CLSTN2: variants seen among roughly 807,000 people sequenced by gnomAD.
The protein encoded by CLSTN2 is calsyntenin-2.
A neutral mutation model predicts 101.2 loss-of-function variants in CLSTN2; 48 were observed. That is an observed-to-expected ratio of 0.47 (90% confidence interval 0.38 to 0.60). The LOEUF (loss-of-function observed/expected upper bound fraction) is 0.60, where lower values mean the gene tolerates loss of function less well. Among genes scored for constraint, CLSTN2 ranks in the 20% least tolerant of loss-of-function variants. The pLI is 0.00. For synonymous variants in CLSTN2, 481 were observed against 463.6 expected, an observed-to-expected ratio of 1.04 and a Z score of -0.48; for missense variants, 1,160 against 1,238.2, an observed-to-expected ratio of 0.94 and a Z score of 0.95.
intron 6 of CLSTN2, chr3:140,449,857 C>T (rs1182455340): frequency 1.3e-5 from 2 of 152,248 alleles, no homozygotes; most frequent in Admixed American, 1.3e-4. Flanking sequence ...GTAACAAGGT[C>T]ACATGCCCAT....
At chr3:140,219,759 C>A (rs9815327) in intron 2 of CLSTN2, among the ~76,000 whole-genome samples, 2 of 152,072 alleles carry the variant, frequency 1.3e-5, no homozygotes, top group Non-Finnish European at 2.9e-5. Flanking sequence ...ATTCCTTAGA[C>A]GCTTTGCTTC....
At chr3:140,444,763 C>T (rs74326289) in intron 5 of CLSTN2, among the ~76,000 whole-genome samples, 6,723 of 152,242 alleles carry the variant, frequency 0.044, 503 homozygotes, top group African/African-American at 0.15. Flanking sequence ...CTGAGGCTCA[C>T]GGAGCATACA....
chr3:140,470,231 C>G (rs907498377), intron 8 of CLSTN2, among the ~76,000 whole-genome samples: 1 of 152,214 alleles, frequency 6.6e-6, no homozygotes, highest in Admixed American at 6.5e-5. Flanking sequence ...GGATTAGTAG[C>G]TAAAATAAGA....
chr3:139,970,879 T>G (rs1935687595), intron 1 of CLSTN2, among the ~76,000 whole-genome samples: 1 of 152,184 alleles, frequency 6.6e-6, no homozygotes. Flanking sequence ...GCTAAGGGAA[T>G]GGTGACAAGA....
At chr3:139,967,151 T>C (rs1935614903) in intron 1 of CLSTN2, among the ~76,000 whole-genome samples, 1 of 152,000 alleles carries the variant, frequency 6.6e-6, no homozygotes, top group Admixed American at 6.6e-5. Flanking sequence ...ATGGCAGAAG[T>C]CATGGACTGA....
At chr3:140,303,708 C>G (rs766794973) in intron 2 of CLSTN2, among the ~76,000 whole-genome samples, 8 of 152,030 alleles carry the variant, frequency 5.3e-5, no homozygotes, top group Non-Finnish European at 8.8e-5. Context: ...GGTGTCCCAA[C>G]TTGACCCTGT....
intron 2 of CLSTN2, among the ~76,000 whole-genome samples, chr3:140,344,140 C>T (rs1032573740): frequency 1.8e-4 from 27 of 152,190 alleles, no homozygotes; most frequent in African/African-American, 6.0e-4. Flanking sequence ...GCTACCGCAG[C>T]GTTCACTGAC....
chr3:140,442,413 G>A (rs554044548), intron 5 of CLSTN2, among the ~76,000 whole-genome samples: 13 of 152,254 alleles, frequency 8.5e-5, no homozygotes, highest in Admixed American at 2.0e-4. Flanking sequence ...GGAAGCCACA[G>A]TAAAGCCTTG....
intron 6 of CLSTN2, among the ~76,000 whole-genome samples, chr3:140,455,623 T>A (rs1354314990): frequency 6.6e-6 from 1 of 152,120 alleles, no homozygotes; most frequent in Non-Finnish European, 1.5e-5. Flanking sequence ...CTCAGCTGCC[T>A]GGGGCCCCAG....
intron 8 of CLSTN2, among the ~76,000 whole-genome samples, chr3:140,500,327 T>C (rs1934552916): frequency 1.3e-5 from 2 of 152,116 alleles, no homozygotes; most frequent in South Asian, 4.1e-4. Context: ...GGGTAATATA[T>C]AGGACCCAGA....
chr3:140,247,480 T>C lies in CLSTN2; in HGVS notation c.232+71407T>C, dbSNP rs7623171. On this transcript the variant is annotated intron_variant, in intron 2 of 16. Transcript: ENST00000458420. ...TTTACATGAAGCCACTTTTATTTGA[T>C]GCCTAAAATTATCAATGTCAAACTG... Among the ~76,000 whole-genome samples the C allele has an allele frequency of 6.2e-3, 948 of 152,330 alleles. 12 individuals are homozygous for C. Among genetic ancestry groups the C allele is most frequent in the African/African-American group, 0.021 (887 of 41,568 alleles).
intron 1 of CLSTN2, among the ~76,000 whole-genome samples, chr3:140,020,006 G>A (rs910245314): frequency 1.3e-5 from 2 of 152,254 alleles, no homozygotes; most frequent in South Asian, 4.2e-4. Context: ...GATGCCCAGG[G>A]AGCACAGATT....
At chr3:140,421,846 A>G (rs1308496807) in intron 5 of CLSTN2, among the ~76,000 whole-genome samples, 32 of 152,204 alleles carry the variant, frequency 2.1e-4, no homozygotes, top group Admixed American at 2.0e-3. Context: ...CTAAATGCTT[A>G]GGTCACCCTT....
At chr3:140,419,254 A>G (rs2088466077) in intron 4 of CLSTN2, among the ~76,000 whole-genome samples, 1 of 151,020 alleles carries the variant, frequency 6.6e-6, no homozygotes, top group South Asian at 2.1e-4. Flanking sequence ...AGGATGAGGC[A>G]GGTGGATCAC....
At chr3:140,477,622 T>C (rs1426640486) in intron 8 of CLSTN2, among the ~76,000 whole-genome samples, 1 of 152,220 alleles carries the variant, frequency 6.6e-6, no homozygotes, top group African/African-American at 2.4e-5. Flanking sequence ...AATACTGAAA[T>C]TGAGGCTCTG....
chr3:140,015,597 G>A (rs1322517793), intron 1 of CLSTN2, among the ~76,000 whole-genome samples: 21 of 152,216 alleles, frequency 1.4e-4, no homozygotes, highest in Non-Finnish European at 3.1e-4. Flanking sequence ...AGAAGAATGG[G>A]ATTTCTGTCA....
chr3:140,055,633 C>T (rs1477417708), intron 1 of CLSTN2, among the ~76,000 whole-genome samples: 1 of 152,198 alleles, frequency 6.6e-6, no homozygotes, highest in African/African-American at 2.4e-5. Flanking sequence ...AAGCGTTCAG[C>T]GTAGTACCTA....
intron 2 of CLSTN2, among the ~76,000 whole-genome samples, chr3:140,294,502 G>T (rs1012012011): frequency 7.7e-4 from 117 of 151,222 alleles, no homozygotes; most frequent in African/African-American, 2.7e-3. Context: ...AGCTCCTAAA[G>T]GCTTCTGCTT....
In CLSTN2 at chr3:140,574,604, T is replaced by C. The variant is rs775124266; in HGVS notation, c.*8351T>C. 2.6e-5 allele frequency: 4 copies of C among 152,196 alleles called. No homozygotes were observed. Among genetic ancestry groups the C allele is most frequent in the Non-Finnish European group, 4.4e-5 (3 of 68,038 alleles). 9.4% of individuals were successfully genotyped at this position (152,196 alleles called of 1,614,324 possible). A position where few individuals can be genotyped will look rare whatever the true frequency, so the allele number is the denominator to read the frequency against. On this transcript the variant is annotated 3_prime_UTR_variant, in exon 17 of 17. Coordinates refer to ENST00000458420, the MANE Select transcript of CLSTN2 (RefSeq NM_022131.3). Reference sequence around the variant, plus strand: ...TTGAGAAGAGCCAAAATGCAGACAGTGTGTATTAATCACAGACAACAGAAA... The same window carrying C: ...TTGAGAAGAGCCAAAATGCAGACAGCGTGTATTAATCACAGACAACAGAAA...
Sources: allele counts gnomAD v4.1 joint callset (sites outside exome capture counted in the v4.1 genomes callset), GRCh38; gene constraint gnomAD v4.1.1; transcripts MANE v1.5; gene names NCBI Gene and HGNC (gene_info 2026-07-23, HGNC 2026-07-21).